CCSER1: variants seen among roughly 807,000 people sequenced by gnomAD.
CCSER1 encodes coiled-coil serine rich protein 1.
A neutral mutation model predicts 82.0 loss-of-function variants in CCSER1; 41 were observed. That is an observed-to-expected ratio of 0.50 (90% CI 0.39 to 0.65). The LOEUF (loss-of-function observed/expected upper bound fraction) is 0.65, where lower values mean the gene tolerates loss of function less well. CCSER1 is among the 30% of genes least tolerant of loss of function. The probability of loss-of-function intolerance (pLI) is 0.00; values close to 1 mark genes in which losing one functional copy is unlikely to be tolerated. For synonymous variants in CCSER1, 414 were observed against 383.9 expected, an observed-to-expected ratio of 1.08 and a Z score of -0.92; for missense variants, 1,119 against 1,064.2, an observed-to-expected ratio of 1.05 and a Z score of -0.72.
chr4:91,052,313 A>G (rs984550047), intron 9 of CCSER1, among the ~76,000 whole-genome samples: 1 of 152,106 alleles, frequency 6.6e-6, no homozygotes, highest in Non-Finnish European at 1.5e-5. Flanking sequence ...TAGAAATTTT[A>G]TACTGAAGGA....
chr4:90,693,836 G>A (rs1736480759), intron 6 of CCSER1, among the ~76,000 whole-genome samples: 2 of 151,332 alleles, frequency 1.3e-5, no homozygotes, highest in Admixed American at 1.3e-4. Context: ...AGTGTCTAAT[G>A]CATATTTTGC....
chr4:90,289,003 G>T (rs1466692720), intron 1 of CCSER1, among the ~76,000 whole-genome samples: 2 of 151,786 alleles, frequency 1.3e-5, no homozygotes, highest in African/African-American at 4.8e-5. Context: ...CAATATTCTG[G>T]TGAGCCATTC....
At chr4:91,477,074 C>T (rs150669202) in intron 10 of CCSER1, among the ~76,000 whole-genome samples, 86 of 151,728 alleles carry the variant, frequency 5.7e-4, no homozygotes, top group Admixed American at 1.6e-3. Context: ...AAATGGATTA[C>T]ATCATGCTAA....
chr4:90,761,595 G>T (rs748667206), intron 7 of CCSER1, among the ~76,000 whole-genome samples: 2 of 152,094 alleles, frequency 1.3e-5, no homozygotes, highest in Admixed American at 6.6e-5. Context: ...AATTTCAAAT[G>T]GTAACACAGC....
chr4:91,375,021 G>T (rs1750306913), intron 10 of CCSER1, among the ~76,000 whole-genome samples: 1 of 152,130 alleles, frequency 6.6e-6, no homozygotes, highest in African/African-American at 2.4e-5. Flanking sequence ...CATTTTGTAA[G>T]GCTATAGCTG....
chr4:90,931,858 T>C (rs894883670), intron 9 of CCSER1, among the ~76,000 whole-genome samples: 2 of 152,196 alleles, frequency 1.3e-5, no homozygotes, highest in Non-Finnish European at 2.9e-5. Context: ...TTCTACCTTT[T>C]GCCAGTGAAA....
intron 4 of CCSER1, among the ~76,000 whole-genome samples, chr4:90,450,870 A>G (rs1410611455): frequency 6.6e-6 from 1 of 152,226 alleles, no homozygotes; most frequent in East Asian, 1.9e-4. Context: ...AATAAGTTGT[A>G]TGCTTAATTA....
chr4:90,384,140 A>G (rs765374149), intron 3 of CCSER1, among the ~76,000 whole-genome samples: 5 of 150,708 alleles, frequency 3.3e-5, no homozygotes, highest in Non-Finnish European at 5.9e-5. Flanking sequence ...ATTTTATTTT[A>G]TTTTATTTTT....
At chr4:90,919,968 C>A (rs1728133270) in intron 8 of CCSER1, among the ~76,000 whole-genome samples, 1 of 151,688 alleles carries the variant, frequency 6.6e-6, no homozygotes, top group South Asian at 2.1e-4. Context: ...AACTTAAAGA[C>A]AATTAGGTAT....
chr4:90,727,274 C>T (rs1743830729), intron 7 of CCSER1: 1 of 455,888 alleles, frequency 2.2e-6, no homozygotes, highest in Admixed American at 2.4e-5. Context: ...ATAGAAGAGC[C>T]AAAGGATAAC....
chr4:90,378,460 G>A (rs1050002001), intron 3 of CCSER1, among the ~76,000 whole-genome samples: 1 of 152,142 alleles, frequency 6.6e-6, no homozygotes, highest in African/African-American at 2.4e-5. Flanking sequence ...TAAATTGTAT[G>A]TCCTTTCACT....
chr4:90,486,099 T>G (rs2153601487), intron 5 of CCSER1, among the ~76,000 whole-genome samples: 1 of 152,320 alleles, frequency 6.6e-6, no homozygotes, highest in South Asian at 2.1e-4. Context: ...TTGTTTCACT[T>G]TTCCTTGATA....
At chr4:91,438,991 A>G (rs1380504032) in intron 10 of CCSER1, among the ~76,000 whole-genome samples, 4 of 152,262 alleles carry the variant, frequency 2.6e-5, no homozygotes, top group African/African-American at 9.6e-5. Context: ...TGAAAGGACC[A>G]AACCTATGTC....
At chr4:90,597,819 G>T (rs1399661814) in intron 5 of CCSER1, among the ~76,000 whole-genome samples, 2 of 151,838 alleles carry the variant, frequency 1.3e-5, no homozygotes, top group South Asian at 2.1e-4. Flanking sequence ...ACCTGCCATG[G>T]TAGCCACTTT....
chr4:90,233,273 C>A lies in CCSER1; in HGVS notation c.-41-74971C>A, dbSNP rs549519883. 2.2e-3 allele frequency among the ~76,000 whole-genome samples: 342 copies of A among 152,156 alleles called. 2 individuals are homozygous for A. Among genetic ancestry groups the A allele is most frequent in the African/African-American group, 8.0e-3 (331 of 41,494 alleles). On this transcript the variant is annotated intron_variant, in intron 1 of 10. Coordinates refer to ENST00000509176, the MANE Select transcript of CCSER1 (RefSeq NM_001145065.2). The stretch of plus-strand genomic sequence containing the variant: ...ATTAAGAAAATGTGGCACATATACA[C>A]CATGGAATACTATGCAGCCATAAAA...
intron 10 of CCSER1, among the ~76,000 whole-genome samples, chr4:91,118,550 C>T (rs899382725): frequency 1.3e-5 from 2 of 152,096 alleles, no homozygotes; most frequent in Non-Finnish European, 2.9e-5. Context: ...GCTGGGATTA[C>T]AAGAATGAGC....
chr4:90,250,051 A>C (rs1187931939), intron 1 of CCSER1, among the ~76,000 whole-genome samples: 1 of 152,034 alleles, frequency 6.6e-6, no homozygotes, highest in Non-Finnish European at 1.5e-5. Flanking sequence ...CTTTGCATAA[A>C]TATCGATTTA....
intron 10 of CCSER1, among the ~76,000 whole-genome samples, chr4:91,120,258 T>TA: frequency 6.6e-6 from 1 of 152,142 alleles, no homozygotes; most frequent in East Asian, 1.9e-4. Context: ...TTAACTAGAA[T>TA]AAAGCATAGT....
At chr4:91,506,209 T>C (rs1356194421) in intron 10 of CCSER1, among the ~76,000 whole-genome samples, 3 of 152,190 alleles carry the variant, frequency 2.0e-5, no homozygotes, top group Non-Finnish European at 4.4e-5. Context: ...TCATTGTTTG[T>C]TTTTGTCAGG....
Sources: gnomAD v4.1 joint callset for allele counts (sites outside exome capture counted in the v4.1 genomes callset) on GRCh38, gnomAD v4.1.1 for gene constraint, MANE v1.5 for transcripts, NCBI Gene and HGNC (gene_info 2026-07-23, HGNC 2026-07-21) for gene names.